Variants in DOK6 observed in about 807,000 individuals in gnomAD.
DOK6 encodes downstream of tyrosine kinase 6.
DOK6 carries 22 observed loss-of-function variants against 44.0 expected under a neutral mutation model. The observed-to-expected ratio is 0.50, with a 90% CI of 0.36 to 0.71. The LOEUF is 0.71. Among genes scored for constraint, DOK6 ranks in the 30% least tolerant of loss-of-function variants. DOK6 has a pLI of 0.00. For missense variants in DOK6, 340 were observed against 416.4 expected (o/e 0.82, Z 1.60); for synonymous variants, 166 against 145.5 (o/e 1.14, Z -1.01).
chr18:69,705,734 A>G (rs1233894477), intron 5 of DOK6, among the ~76,000 whole-genome samples: 1 of 152,136 alleles, frequency 6.6e-6, no homozygotes, highest in Non-Finnish European at 1.5e-5. Flanking sequence ...GAATTTTTCA[A>G]ATGCCTTTCA....
At chr18:69,803,574 A>T (rs1277990523) in intron 7 of DOK6, among the ~76,000 whole-genome samples, 1 of 152,186 alleles carries the variant, frequency 6.6e-6, no homozygotes, top group African/African-American at 2.4e-5. Context: ...ATTTATTTTT[A>T]AAAAATAGCT....
intron 1 of DOK6, among the ~76,000 whole-genome samples, chr18:69,546,278 A>AAT (rs1392751830): frequency 7.3e-6 from 1 of 136,212 alleles, no homozygotes; most frequent in African/African-American, 2.9e-5. Flanking sequence ...ACTCCGTCTC[A>AAT]AAAAAAAAAA....
At chr18:69,590,909 G>A (rs1983607059) in intron 2 of DOK6, among the ~76,000 whole-genome samples, 1 of 152,122 alleles carries the variant, frequency 6.6e-6, no homozygotes, top group African/African-American at 2.4e-5. Flanking sequence ...GGTTATACAT[G>A]GAAAAGTGGA....
intron 3 of DOK6, among the ~76,000 whole-genome samples, chr18:69,646,957 TATCTATCTAGCTATATA>T (rs1037280578): frequency 5.9e-5 from 9 of 152,210 alleles, no homozygotes; most frequent in African/African-American, 1.9e-4. Flanking sequence ...TCTATCTATT[TATCTATCTAGCTATATA>T]ATCTATCTAG....
chr18:69,523,959 C>T (rs554363492), intron 1 of DOK6, among the ~76,000 whole-genome samples: 13 of 151,942 alleles, frequency 8.6e-5, no homozygotes, highest in South Asian at 2.1e-4. Flanking sequence ...TTTTCAAGTT[C>T]GTATTTTTAT....
rs1403539885 is a variant in DOK6, at chr18:69,846,842, T to G, written c.*5459T>G. On this transcript the variant is annotated 3_prime_UTR_variant, in exon 8 of 8. Transcript: ENST00000382713. ...TTTTTCATGTGAGCCTCAAGAAGCT[T>G]CCATTATCAACAAGAATTGGGGAAA... 1 of 152,168 alleles carries G rather than the reference T, an allele frequency of 6.6e-6. No homozygotes were observed. Among genetic ancestry groups the G allele is most frequent in the Non-Finnish European group, 1.5e-5 (1 of 68,022 alleles). The allele number at this position is 152,168 out of a possible 1,614,324, so 9.4% of individuals were successfully genotyped here.
At chr18:69,637,967 A>G (rs1275842766) in intron 3 of DOK6, among the ~76,000 whole-genome samples, 1 of 152,158 alleles carries the variant, frequency 6.6e-6, no homozygotes, top group Non-Finnish European at 1.5e-5. Flanking sequence ...TTTATTGATA[A>G]CATACCTTGG....
rs553836018 is a variant in DOK6 at position 69,446,220 on chromosome 18, C to T, written c.66+44910C>T. On this transcript the variant is annotated intron_variant, in intron 1 of 7. Coordinates refer to ENST00000382713, the MANE Select transcript of DOK6 (RefSeq NM_152721.6). The stretch of plus-strand genomic sequence containing the variant: ...ATCCCTCCCCCCTCCCCCCACCCCA[C>T]GACAGGCCCCAGTGTGTGATGTTCC... Among the ~76,000 whole-genome samples, 39 of 117,780 alleles carry T rather than the reference C, an allele frequency of 3.3e-4. 1 individual carries two copies. Among genetic ancestry groups the T allele is most frequent in the Middle Eastern group, 5.8e-3 (1 of 172 alleles). 77.3% of individuals were successfully genotyped at this position (117,780 alleles called of 152,430 possible).
chr18:69,674,675 C>G (rs1839383578), intron 3 of DOK6, among the ~76,000 whole-genome samples: 1 of 152,054 alleles, frequency 6.6e-6, no homozygotes, highest in African/African-American at 2.4e-5. Context: ...CACGCACGCT[C>G]ACTAACACAC....
chr18:69,835,624 G>A (rs1025161289), intron 7 of DOK6, among the ~76,000 whole-genome samples: 2 of 152,100 alleles, frequency 1.3e-5, no homozygotes, highest in African/African-American at 4.8e-5. Flanking sequence ...CAGCCTGCCC[G>A]CTCCTTTTTT....
intron 7 of DOK6, chr18:69,831,174 G>A (rs906943797): frequency 2.6e-5 from 4 of 151,660 alleles, no homozygotes; most frequent in African/African-American, 9.7e-5. Context: ...AATGGTGTAG[G>A]TCCCATAGTC....
At position 69,686,311 on chromosome 18, in the gene DOK6, T is replaced by A. The variant is rs905297409; in HGVS notation, c.409+8458T>A. The stretch of plus-strand genomic sequence containing the variant: ...GCCCTGGCAAACTTTGTATATATAT[T>A]TTTTAATTTTATTAATATTTGCTCT... On this transcript the variant is annotated intron_variant, in intron 4 of 7. Transcript: ENST00000382713. Among the ~76,000 whole-genome samples, 8 of 152,262 alleles carry A rather than the reference T, an allele frequency of 5.3e-5. No homozygotes were observed. In the East Asian group the frequency reaches 9.6e-4, roughly 18 times the overall value.
Position 69,841,430 on chromosome 18 carries a change from C to T in DOK6, c.*47C>T, listed in dbSNP as rs200543822. ...CTAGAGAGACAGTCTGTCCTGGACC[C>T]GTCTGTGGGGTCATTACCCTCTGCC... On this transcript the variant is annotated 3_prime_UTR_variant, in exon 8 of 8. Coordinates refer to ENST00000382713, the MANE Select transcript of DOK6 (RefSeq NM_152721.6). The T allele has an allele frequency of 8.4e-5, 135 of 1,609,028 alleles. No homozygotes were observed. The highest frequency in any genetic ancestry group is 2.8e-4 in the African/African-American group (21 of 74,800).
chr18:69,836,304 G>T (rs1380893499), intron 7 of DOK6, among the ~76,000 whole-genome samples: 4 of 152,080 alleles, frequency 2.6e-5, no homozygotes, highest in Non-Finnish European at 1.5e-5. Flanking sequence ...TAGAGAGAGG[G>T]TCATATAATT....
At chr18:69,682,377 G>A (rs1306792417) in intron 4 of DOK6, among the ~76,000 whole-genome samples, 3 of 152,238 alleles carry the variant, frequency 2.0e-5, no homozygotes, top group East Asian at 3.9e-4. Context: ...GCAGATCTTC[G>A]TTGTTCAGGC....
chr18:69,449,666 C>G (rs1568261741), intron 1 of DOK6, among the ~76,000 whole-genome samples: 1 of 152,172 alleles, frequency 6.6e-6, no homozygotes, highest in Admixed American at 6.5e-5. Context: ...CCCTGTCTGA[C>G]AGCTTTGAAG....
chr18:69,494,557 G>A (rs1980828490), intron 1 of DOK6, among the ~76,000 whole-genome samples: 1 of 152,130 alleles, frequency 6.6e-6, no homozygotes, highest in African/African-American at 2.4e-5. Context: ...TTAGGCACAA[G>A]GGAGAATAGG....
At position 69,545,559 on chromosome 18, in the gene DOK6, C is replaced by T. The variant is rs1982383553; in HGVS notation, c.67-18928C>T. ...GAAAAGAAAAAACACTTGACCTCCTCAAAAATTGCCACTACTTAGAATTTT... is the reference window on the plus strand; with the variant it reads ...GAAAAGAAAAAACACTTGACCTCCTTAAAAATTGCCACTACTTAGAATTTT... On this transcript the variant is annotated intron_variant, in intron 1 of 7. Transcript: ENST00000382713. Among the ~76,000 whole-genome samples the T allele has an allele frequency of 4.0e-5, 6 of 148,650 alleles. No individual in the cohort carries two copies. The South Asian group carries it at 1.3e-3, about 32-fold the overall frequency.
At chr18:69,678,812 T>C (rs1985982070) in intron 4 of DOK6, among the ~76,000 whole-genome samples, 1 of 152,178 alleles carries the variant, frequency 6.6e-6, no homozygotes, top group African/African-American at 2.4e-5. Flanking sequence ...AACTTTTTAG[T>C]GTTGCTAAGT....
Sources: allele counts gnomAD v4.1 joint callset (sites outside exome capture counted in the v4.1 genomes callset), GRCh38; gene constraint gnomAD v4.1.1; transcripts MANE v1.5; gene names NCBI Gene and HGNC (gene_info 2026-07-23, HGNC 2026-07-21).